ADAMTS2: variants seen among roughly 807,000 people sequenced by gnomAD.
ADAMTS2 encodes the protein A disintegrin and metalloproteinase with thrombospondin motifs 2.
ADAMTS2 carries 50 observed loss-of-function variants against 123.0 expected under a neutral mutation model. The observed-to-expected ratio is 0.41, with a 90% CI of 0.32 to 0.51. ADAMTS2 has a LOEUF of 0.51. ADAMTS2 is among the 20% of genes least tolerant of loss of function. The pLI is 0.35. For missense variants in ADAMTS2, 1,494 were observed against 1,705.2 expected (o/e 0.88, Z 2.18); for synonymous variants, 678 against 695.4 (o/e 0.98, Z 0.39).
chr5:179,161,605 T>C (rs1195951280), intron 5 of ADAMTS2, among the ~76,000 whole-genome samples: 1 of 152,142 alleles, frequency 6.6e-6, no homozygotes, highest in Non-Finnish European at 1.5e-5. Context: ...GGAATAAGCG[T>C]TAGTGCCCTA....
At chr5:179,123,998 A>G (rs1433203798) in intron 19 of ADAMTS2, among the ~76,000 whole-genome samples, 1 of 152,184 alleles carries the variant, frequency 6.6e-6, no homozygotes, top group Non-Finnish European at 1.5e-5. Flanking sequence ...ATGCATTGCC[A>G]CACATGGGTG....
chr5:179,223,397 C>A (rs1222998485), intron 3 of ADAMTS2, among the ~76,000 whole-genome samples: 2 of 151,314 alleles, frequency 1.3e-5, no homozygotes, highest in African/African-American at 4.9e-5. Flanking sequence ...TGCACTCACA[C>A]ACACGCATGC....
intron 4 of ADAMTS2, among the ~76,000 whole-genome samples, chr5:179,186,927 C>A (rs1038449921): frequency 6.7e-6 from 1 of 149,912 alleles, no homozygotes; most frequent in Non-Finnish European, 1.5e-5. Context: ...AAACCCTCAA[C>A]GGCTCTCCAG....
rs988694143 is a variant in ADAMTS2 at position 179,312,029 on chromosome 5, C to G, written c.534+31738G>C. 1.3e-5 allele frequency among the ~76,000 whole-genome samples: 2 copies of G among 152,218 alleles called. No homozygotes were observed. The highest frequency in any genetic ancestry group is 1.5e-5 in the Non-Finnish European group (1 of 68,042). The stretch of plus-strand genomic sequence containing the variant: ...AACCCTGTGCCGCTAAGGGCATACT[C>G]TAGACCCTCTGCCCCAGGCTAATGT... On this transcript the variant is annotated intron_variant, in intron 2 of 21. Transcript: ENST00000251582. This position sits in a 1 kb window ranked among gnomAD's most constrained non-coding sequence, Gnocchi z 4.2.
intron 2 of ADAMTS2, among the ~76,000 whole-genome samples, chr5:179,334,182 G>A (rs1757550407): frequency 6.6e-6 from 1 of 152,168 alleles, no homozygotes. Context: ...CAAGAACAGG[G>A]TCCTGTTCTT....
intron 2 of ADAMTS2, among the ~76,000 whole-genome samples, chr5:179,290,917 G>A (rs1196823314): frequency 1.3e-5 from 2 of 152,212 alleles, no homozygotes; most frequent in African/African-American, 4.8e-5. Context: ...CTCTTGTGCA[G>A]AGGGCCTATG....
In ADAMTS2 at chr5:179,216,761, A is replaced by C. The variant is rs185199103; in HGVS notation, c.689-9046T>G. On this transcript the variant is annotated intron_variant, in intron 3 of 21. Transcript: ENST00000251582. ...TCCACTTTAATATTAATCGTCTTTG[A>C]TATTCATTTGCATGTAATTATAAAT... Among the ~76,000 whole-genome samples, 9 of 152,352 alleles carry C rather than the reference A, an allele frequency of 5.9e-5. No individual in the cohort carries two copies. In the East Asian group the frequency reaches 1.4e-3, roughly 23 times the overall value.
At chr5:179,339,606 TG>T (rs1757711159) in intron 2 of ADAMTS2, among the ~76,000 whole-genome samples, 1 of 152,202 alleles carries the variant, frequency 6.6e-6, no homozygotes, top group African/African-American at 2.4e-5. Flanking sequence ...TGCTTGCAGC[TG>T]GGGCCCACAG....
At chr5:179,331,229 G>T (rs1757467427) in intron 2 of ADAMTS2, among the ~76,000 whole-genome samples, 1 of 149,672 alleles carries the variant, frequency 6.7e-6, no homozygotes, top group African/African-American at 2.5e-5. Flanking sequence ...GGAAAGAAAG[G>T]TGGGAACGGG....
chr5:179,157,172 A>ACTCCTGAC lies in ADAMTS2; in HGVS notation c.1132+1543_1132+1550dup, dbSNP rs562863558. 2.3e-4 allele frequency among the ~76,000 whole-genome samples: 35 copies of ACTCCTGAC among 150,916 alleles called. 1 individual carries two copies. The South Asian group carries it at 6.9e-3, about 30-fold the overall frequency. On this transcript the variant is annotated intron_variant, in intron 6 of 21. Transcript: ENST00000251582. Reference sequence around the variant, plus strand: ...GAGATGTTGGCCAGGCTGGTCACGAACTCCTGACCTCAAGTGATCCGCCCG... The same window carrying ACTCCTGAC: ...GAGATGTTGGCCAGGCTGGTCACGAACTCCTGACCTCCTGACCTCAAGTGATCCGCCCG...
At chr5:179,139,777 C>G in intron 11 of ADAMTS2, 113 bp downstream of exon 11, 1 of 1,524,610 alleles carries the variant, frequency 6.6e-7, no homozygotes, top group Non-Finnish European at 8.9e-7. Context: ...CCCTGCACCT[C>G]TCCAGAACTG....
At chr5:179,176,320 G>A (rs560607818) in intron 5 of ADAMTS2, among the ~76,000 whole-genome samples, 1 of 152,022 alleles carries the variant, frequency 6.6e-6, no homozygotes, top group Non-Finnish European at 1.5e-5. Context: ...CTCCCCCTAG[G>A]CAGCAAGCTC....
intron 2 of ADAMTS2, among the ~76,000 whole-genome samples, chr5:179,275,050 G>A (rs1766657453): frequency 6.6e-6 from 1 of 152,124 alleles, no homozygotes; most frequent in Non-Finnish European, 1.5e-5. Context: ...CCAGGTGGGT[G>A]GACAGGAGCA....
In ADAMTS2 at chr5:179,344,044, G is replaced by C; in HGVS notation, c.257C>G (p.Ala86Gly). ...SAATSRAGVR[A>G]RRAAPVRTPS... is the part of the protein sequence containing the mutation. ...GGTCCGGACCGGGGCGGCCCTGCGG[G>C]CTCGTACCCCTGCTCTGGACGTAGC... The change falls in exon 2 of 22, where the codon GCC becomes GGC. Residue 86 changes from alanine to glycine, a missense_variant. This residue lies in a region of ADAMTS2 where 237 missense variants were observed against 233.7 expected (regional missense o/e 1.01). Transcript: ENST00000251582. 1 of 1,612,448 alleles carries C rather than the reference G, an allele frequency of 6.2e-7. No individual in the cohort carries two copies. Among genetic ancestry groups the C allele is most frequent in the South Asian group, 1.1e-5 (1 of 91,026 alleles).
intron 2 of ADAMTS2, among the ~76,000 whole-genome samples, chr5:179,296,828 T>C (rs1934142930): frequency 6.6e-6 from 1 of 152,092 alleles, no homozygotes; most frequent in Non-Finnish European, 1.5e-5. Context: ...GACGGGCCAC[T>C]GGTATCACTA....
At position 179,345,184 on chromosome 5, in the gene ADAMTS2, A is replaced by T. The variant is rs1757904753; in HGVS notation, c.139+6T>A. ...TCCCGGGGAGTAGGGGCCGGGCCGC[A>T]CCTACCTGGGGGGTCGGCGGCGGCG... On this transcript the variant is annotated splice_donor_region_variant and intron_variant, in intron 1 of 21. Coordinates refer to ENST00000251582, the MANE Select transcript of ADAMTS2 (RefSeq NM_014244.5). The surrounding 1 kb of genome is among the most constrained non-coding windows in gnomAD (Gnocchi z 7.5). The T allele has an allele frequency of 9.1e-7, 1 of 1,103,458 alleles. No homozygotes were observed. The highest frequency in any genetic ancestry group is 1.7e-5 in the African/African-American group (1 of 59,586). The allele number at this position is 1,103,458 out of a possible 1,614,324, so 68.4% of individuals were successfully genotyped here. A position where few individuals can be genotyped will look rare whatever the true frequency, so the allele number is the denominator to read the frequency against.
At chr5:179,178,266 C>G (rs953561432) in intron 5 of ADAMTS2, among the ~76,000 whole-genome samples, 4 of 97,966 alleles carry the variant, frequency 4.1e-5, no homozygotes, top group Admixed American at 1.2e-4. Context: ...AAGATCCCCC[C>G]CGCACCTCCC....
chr5:179,287,447 G>A (rs1756052331), intron 2 of ADAMTS2, among the ~76,000 whole-genome samples: 1 of 152,192 alleles, frequency 6.6e-6, no homozygotes, highest in African/African-American at 2.4e-5. Flanking sequence ...CAGGAGCCCT[G>A]CTCCAGAGCC....
chr5:179,122,040 C>G (rs1414148037), intron 20 of ADAMTS2, among the ~76,000 whole-genome samples: 4 of 152,140 alleles, frequency 2.6e-5, no homozygotes, highest in African/African-American at 4.8e-5. Flanking sequence ...GCACCCTGCC[C>G]GCGCCCCGGG....
Sources: allele counts gnomAD v4.1 joint callset (sites outside exome capture counted in the v4.1 genomes callset), GRCh38; gene constraint gnomAD v4.1.1; regional missense constraint gnomAD v4.1.1; non-coding constraint Gnocchi (gnomAD v3.1); transcripts MANE v1.5; gene names NCBI Gene and HGNC (gene_info 2026-07-23, HGNC 2026-07-21).